Variants in SPIRE1 observed in about 807,000 individuals in gnomAD.
SPIRE1 encodes spire type actin nucleation factor 1.
In SPIRE1, 40 loss-of-function variants were observed where a neutral mutation model predicts 94.1. That is an observed-to-expected ratio of 0.43 (90% CI 0.33 to 0.55). The LOEUF (loss-of-function observed/expected upper bound fraction) is 0.55, where lower values mean the gene tolerates loss of function less well. Ranked by LOEUF, SPIRE1 falls within the 20% of genes least tolerant of loss-of-function variation. The pLI is 0.06. For synonymous variants in SPIRE1, 376 were observed against 371.7 expected, an observed-to-expected ratio of 1.01 and a Z score of -0.13; for missense variants, 838 against 975.2, an observed-to-expected ratio of 0.86 and a Z score of 1.87.
intron 2 of SPIRE1, among the ~76,000 whole-genome samples, chr18:12,625,532 CAAT>C (rs1180048198): frequency 1.3e-5 from 2 of 152,124 alleles, no homozygotes; most frequent in Non-Finnish European, 1.5e-5. Context: ...AGAGTAGATT[CAAT>C]AATAATTGCC....
At chr18:12,602,337 G>C (rs930538570) in intron 2 of SPIRE1, among the ~76,000 whole-genome samples, 2 of 152,012 alleles carry the variant, frequency 1.3e-5, no homozygotes, top group Admixed American at 1.3e-4. Flanking sequence ...GAGCCTTTTG[G>C]CACAAGAAAT....
At chr18:12,503,108 CA>C (rs1041966888) in intron 6 of SPIRE1, among the ~76,000 whole-genome samples, 7 of 112,070 alleles carry the variant, frequency 6.2e-5, no homozygotes, top group Non-Finnish European at 5.2e-5. Flanking sequence ...GACTCTGTCT[CA>C]AAAAAAAAGA....
chr18:12,500,795 G>A (rs1022855586), intron 6 of SPIRE1, among the ~76,000 whole-genome samples: 4 of 152,088 alleles, frequency 2.6e-5, no homozygotes, highest in Non-Finnish European at 4.4e-5. Flanking sequence ...GTAGCTCGCT[G>A]GACACAGTGG....
At chr18:12,464,809 G>T in intron 11 of SPIRE1, 59 bp downstream of exon 11, 2 of 1,431,886 alleles carry the variant, frequency 1.4e-6, no homozygotes, top group South Asian at 1.2e-5. Flanking sequence ...TCTGCTCTAG[G>T]TCAAGTGTGT....
chr18:12,502,012 A>G (rs990720229), intron 6 of SPIRE1, among the ~76,000 whole-genome samples: 7 of 152,174 alleles, frequency 4.6e-5, no homozygotes, highest in East Asian at 3.9e-4. Flanking sequence ...GTAATTATTT[A>G]TGCTAGCAAA....
rs570126981 is a variant in SPIRE1, at chr18:12,473,345, T to C, written c.1404+6354A>G. On this transcript the variant is annotated intron_variant, in intron 10 of 16. Transcript: ENST00000409402. ...ATTGAGAAAGAAACAAAAGCAAAAA[T>C]ATAACAATGTTCACATAGTGTTGCT... Among the ~76,000 whole-genome samples, 6 of 151,504 alleles carry C rather than the reference T, an allele frequency of 4.0e-5. No homozygotes were observed. In the South Asian group the frequency reaches 1.2e-3, roughly 31 times the overall value.
chr18:12,599,351 T>C (rs2036767695), intron 2 of SPIRE1, among the ~76,000 whole-genome samples: 1 of 152,138 alleles, frequency 6.6e-6, no homozygotes, highest in African/African-American at 2.4e-5. Context: ...CTCATAACCT[T>C]GAATTCCCAG....
intron 2 of SPIRE1, among the ~76,000 whole-genome samples, chr18:12,591,995 CAAG>C (rs1244572493): frequency 8.5e-6 from 1 of 117,894 alleles, no homozygotes; most frequent in African/African-American, 3.3e-5. Context: ...AAAAAAAAAT[CAAG>C]AATAGGTTTG....
chr18:12,543,514 C>G (rs4561536), intron 3 of SPIRE1, among the ~76,000 whole-genome samples: 2 of 152,304 alleles, frequency 1.3e-5, no homozygotes, highest in South Asian at 4.1e-4. Flanking sequence ...TACTCTCCCC[C>G]TGACTTACTT....
At chr18:12,551,387 T>G (rs573492533) in intron 2 of SPIRE1, among the ~76,000 whole-genome samples, 16 of 152,304 alleles carry the variant, frequency 1.1e-4, no homozygotes, top group African/African-American at 3.8e-4. Flanking sequence ...TTTCAAAAAC[T>G]TATAGAATTG....
At chr18:12,545,904 T>C (rs993970125) in intron 3 of SPIRE1, among the ~76,000 whole-genome samples, 1 of 152,214 alleles carries the variant, frequency 6.6e-6, no homozygotes, top group South Asian at 2.1e-4. Context: ...AAGCGGTTTC[T>C]TGAGTTATGA....
At chr18:12,608,506 G>C (rs931016826) in intron 2 of SPIRE1, among the ~76,000 whole-genome samples, 1 of 151,920 alleles carries the variant, frequency 6.6e-6, no homozygotes, top group African/African-American at 2.4e-5. Flanking sequence ...GTATCTTCTT[G>C]CTTCATTTTC....
At chr18:12,497,698 C>T (rs975440674) in intron 6 of SPIRE1, among the ~76,000 whole-genome samples, 13 of 152,140 alleles carry the variant, frequency 8.5e-5, no homozygotes, top group African/African-American at 1.9e-4. Context: ...AGTGGCCTAA[C>T]CTGGCACCAC....
intron 1 of SPIRE1, chr18:12,656,811 TTC>T: frequency 3.0e-6 from 1 of 333,746 alleles, no homozygotes; most frequent in Non-Finnish European, 4.3e-6. Context: ...AAGGCCCATT[TTC>T]TCTTTGTATC....
intron 2 of SPIRE1, among the ~76,000 whole-genome samples, chr18:12,599,152 C>A (rs1221699491): frequency 1.3e-5 from 2 of 152,204 alleles, no homozygotes; most frequent in African/African-American, 2.4e-5. Context: ...AATTTAACAT[C>A]TAATCCACAG....
At chr18:12,537,764 G>A (rs1438849673) in intron 3 of SPIRE1, among the ~76,000 whole-genome samples, 1 of 152,046 alleles carries the variant, frequency 6.6e-6, no homozygotes, top group Non-Finnish European at 1.5e-5. Context: ...ATTTACAATT[G>A]CATCAAAAAT....
Position 12,657,678 on chromosome 18 carries a change from G to A in SPIRE1, c.189C>T (p.Tyr63=). The A allele has an allele frequency of 2.2e-6, 3 of 1,368,144 alleles. No homozygotes were observed. Among genetic ancestry groups the A allele is most frequent in the Middle Eastern group, 2.6e-4 (1 of 3,832 alleles). 84.8% of individuals were successfully genotyped at this position (1,368,144 alleles called of 1,614,324 possible). A position where few individuals can be genotyped will look rare whatever the true frequency, so the allele number is the denominator to read the frequency against. Residue 63 remains tyrosine (Y), a synonymous_variant, in exon 1 of 17, where the codon TAC becomes TAT. Coordinates refer to ENST00000409402, the MANE Select transcript of SPIRE1 (RefSeq NM_001128626.2). ...CGGCGCGCAGGGAACCGCAGCACTG[G>A]TAGCACACGGCCCACGCCTGCTCCT... ...INEEQAWAVC[Y]QCCGSLRAAA...
chr18:12,605,852 C>G (rs1463838739), intron 2 of SPIRE1, among the ~76,000 whole-genome samples: 1 of 151,128 alleles, frequency 6.6e-6, no homozygotes, highest in African/African-American at 2.4e-5. Flanking sequence ...CTTACTGTAC[C>G]CAATGGGGCC....
intron 2 of SPIRE1, among the ~76,000 whole-genome samples, chr18:12,595,318 T>TAAC (rs145205597): frequency 6.6e-6 from 1 of 152,168 alleles, no homozygotes; most frequent in South Asian, 2.1e-4. Context: ...ATAATAATAA[T>TAAC]AACAATAATA....
Sources: allele counts gnomAD v4.1 joint callset (sites outside exome capture counted in the v4.1 genomes callset), GRCh38; gene constraint gnomAD v4.1.1; transcripts MANE v1.5; gene names NCBI Gene and HGNC (gene_info 2026-07-23, HGNC 2026-07-21).